Variants in SCAI observed in about 807,000 individuals in gnomAD.
SCAI encodes suppressor of cancer cell invasion.
SCAI carries 24 observed loss-of-function variants against 92.2 expected under a neutral mutation model. That is an observed-to-expected ratio of 0.26 (90% CI 0.19 to 0.37). The LOEUF (loss-of-function observed/expected upper bound fraction) is 0.37. SCAI is among the 10% of genes least tolerant of loss of function. SCAI has a pLI of 1.00. For synonymous variants in SCAI, 261 were observed against 258.6 expected (o/e 1.01, Z -0.09); for missense variants, 450 against 736.2 (o/e 0.61, Z 4.50).
intron 15 of SCAI, among the ~76,000 whole-genome samples, chr9:124,973,275 G>A (rs778439365): frequency 1.3e-5 from 2 of 152,120 alleles, no homozygotes; most frequent in Non-Finnish European, 2.9e-5. Context: ...TCAGATTTTA[G>A]GACTAAGAAT....
At chr9:125,069,132 C>A (rs946643994) in intron 2 of SCAI, among the ~76,000 whole-genome samples, 3 of 151,748 alleles carry the variant, frequency 2.0e-5, no homozygotes, top group Admixed American at 6.6e-5. Flanking sequence ...GCAGGAGAAT[C>A]ACTTTAACCC....
chr9:125,125,645 C>A (rs901537658), intron 2 of SCAI, among the ~76,000 whole-genome samples: 4 of 151,896 alleles, frequency 2.6e-5, no homozygotes, highest in African/African-American at 9.7e-5. Flanking sequence ...GCCTGGCCAA[C>A]ATGACAAAAC....
At chr9:125,118,766 G>C (rs1835102476) in intron 2 of SCAI, among the ~76,000 whole-genome samples, 1 of 151,926 alleles carries the variant, frequency 6.6e-6, no homozygotes, top group Non-Finnish European at 1.5e-5. Flanking sequence ...TGTTCTCCTT[G>C]TTCAGCTCCC....
rs759664561 is a variant in SCAI, at chr9:124,994,915, T to C, written c.1326+19A>G. 3 of 1,578,768 alleles carry C rather than the reference T, an allele frequency of 1.9e-6. No homozygotes were observed. Among genetic ancestry groups the C allele is most frequent in the East Asian group, 4.5e-5 (2 of 44,702 alleles). On this transcript the variant is annotated intron_variant, in intron 14 of 17. Coordinates refer to ENST00000336505, the MANE Select transcript of SCAI (RefSeq NM_001144877.3). Reference sequence around the variant, plus strand: ...GGTGCCACAATGTCTACCTGTGCAATAGCTCTCATGGAACTCACCTTATAC... The same window carrying C: ...GGTGCCACAATGTCTACCTGTGCAACAGCTCTCATGGAACTCACCTTATAC...
chr9:124,962,175 G>T (rs1290514558), intron 17 of SCAI, among the ~76,000 whole-genome samples: 15 of 144,158 alleles, frequency 1.0e-4, no homozygotes, highest in African/African-American at 1.5e-4. Context: ...TTTTTTGCGG[G>T]GGGGGATGGA....
chr9:125,121,074 T>C (rs1253570719), intron 2 of SCAI, among the ~76,000 whole-genome samples: 1 of 151,948 alleles, frequency 6.6e-6, no homozygotes. Context: ...TTGTTTACAT[T>C]TCAATGAAGG....
At chr9:124,974,447 CA>C (rs34233299) in intron 15 of SCAI, among the ~76,000 whole-genome samples, 28,417 of 92,660 alleles carry the variant, frequency 0.31, 2,605 homozygotes, top group East Asian at 0.4. Context: ...GACCCCATCT[CA>C]AAAAAAAAAA....
At chr9:125,002,488 G>GTTTTTTTTTTTTGTTTTTTTTTTTTTT (rs58586769) in intron 11 of SCAI, among the ~76,000 whole-genome samples, 1 of 125,106 alleles carries the variant, frequency 8.0e-6, no homozygotes, top group African/African-American at 3.2e-5. Flanking sequence ...TTTTTAGTCT[G>GTTTTTTTTTTTTGTTTTTTTTTTTTTT]TTTTTTTTTT....
intron 3 of SCAI, among the ~76,000 whole-genome samples, chr9:125,049,156 A>G (rs1833505552): frequency 6.6e-6 from 1 of 151,954 alleles, no homozygotes; most frequent in African/African-American, 2.4e-5. Flanking sequence ...ACACTCACAC[A>G]ATATATACTA....
At position 124,950,808 on chromosome 9, in the gene SCAI, G is replaced by A. The variant is rs1439419697; in HGVS notation, c.*1999C>T. ...TCACACCTGTAATCCTAGCACTTTG[G>A]GAGGTTGAGGCAGGAGGATCACTTG... On this transcript the variant is annotated 3_prime_UTR_variant, in exon 18 of 18. Coordinates refer to ENST00000336505, the MANE Select transcript of SCAI (RefSeq NM_001144877.3). 6.6e-6 allele frequency: 1 copy of A among 152,090 alleles called. No homozygotes were observed. The highest frequency in any genetic ancestry group is 1.9e-4 in the East Asian group (1 of 5,196). 9.4% of individuals were successfully genotyped at this position (152,090 alleles called of 1,614,324 possible). A position where few individuals can be genotyped will look rare whatever the true frequency, so the allele number is the denominator to read the frequency against.
At chr9:125,140,600 T>A (rs1480235527) in intron 2 of SCAI, among the ~76,000 whole-genome samples, 3 of 148,170 alleles carry the variant, frequency 2.0e-5, no homozygotes, top group Non-Finnish European at 4.4e-5. Flanking sequence ...ACACTTGTAA[T>A]CACAGCACTT....
intron 3 of SCAI, among the ~76,000 whole-genome samples, chr9:125,034,667 T>C (rs967537079): frequency 2.0e-5 from 3 of 152,164 alleles, no homozygotes; most frequent in African/African-American, 7.2e-5. Flanking sequence ...GAGGATTCAT[T>C]GAGCCCGAAG....
chr9:125,061,318 G>A (rs573181607), intron 2 of SCAI, among the ~76,000 whole-genome samples: 1 of 152,132 alleles, frequency 6.6e-6, no homozygotes, highest in East Asian at 1.9e-4. Flanking sequence ...AGTCCTTAAG[G>A]GCTAAACCCA....
chr9:125,056,084 A>G, intron 2 of SCAI, 77 bp from the exon 3 acceptor site: 1 of 1,047,016 alleles, frequency 9.6e-7, no homozygotes, highest in Non-Finnish European at 1.4e-6. Context: ...ATCATCTGAT[A>G]GTATTTTTTA....
chr9:125,011,504 A>G lies in SCAI; in HGVS notation c.861+7295T>C, dbSNP rs1832639482. ...GAGAAAAAAGAATAAAAAGAAACAAACAAAGCCTCCAAGAAATATGGGACT... is the reference window on the plus strand; with the variant it reads ...GAGAAAAAAGAATAAAAAGAAACAAGCAAAGCCTCCAAGAAATATGGGACT... On this transcript the variant is annotated intron_variant, in intron 9 of 17. Transcript: ENST00000336505. 2.0e-5 allele frequency among the ~76,000 whole-genome samples: 3 copies of G among 152,292 alleles called. No homozygotes were observed. In the South Asian group the frequency reaches 6.2e-4, roughly 32 times the overall value.
chr9:125,027,479 A>G (rs1398343816), intron 5 of SCAI, among the ~76,000 whole-genome samples: 1 of 152,172 alleles, frequency 6.6e-6, no homozygotes, highest in Non-Finnish European at 1.5e-5. Flanking sequence ...AATGTAGGAA[A>G]TGGAAGAAGT....
At chr9:125,134,669 T>G (rs1335367067) in intron 2 of SCAI, among the ~76,000 whole-genome samples, 1 of 152,146 alleles carries the variant, frequency 6.6e-6, no homozygotes, top group Non-Finnish European at 1.5e-5. Flanking sequence ...GAGACCAAGT[T>G]TCCTAATCTT....
intron 9 of SCAI, among the ~76,000 whole-genome samples, chr9:125,004,754 TA>T (rs1564374510): frequency 0.016 from 171 of 10,942 alleles, 1 homozygote; most frequent in South Asian, 0.025. Flanking sequence ...TATATATATA[TA>T]TATATATATA....
chr9:125,107,957 G>A (rs986748324), intron 2 of SCAI, among the ~76,000 whole-genome samples: 6 of 152,090 alleles, frequency 3.9e-5, no homozygotes, highest in South Asian at 4.1e-4. Context: ...TCAGCCTGCC[G>A]AACCCCTGCG....
Sources: gnomAD v4.1 joint callset for allele counts (sites outside exome capture counted in the v4.1 genomes callset) on GRCh38, gnomAD v4.1.1 for gene constraint, MANE v1.5 for transcripts, NCBI Gene and HGNC (gene_info 2026-07-23, HGNC 2026-07-21) for gene names.